The following EXOC4 variants were observed in gnomAD, a reference collection of about 807,000 sequenced individuals.
EXOC4 encodes the protein SEC8-like 1.
Under a neutral mutation model 107.2 loss-of-function variants are expected in EXOC4, and 71 were observed. The observed-to-expected ratio is 0.66, with a 90% CI of 0.55 to 0.81. The LOEUF is 0.81. EXOC4 is among the 30% of genes least tolerant of loss of function. The pLI is 0.00. For synonymous variants in EXOC4, 456 were observed against 441.2 expected (o/e 1.03, Z -0.42); for missense variants, 1,108 against 1,189.6 (o/e 0.93, Z 1.01).
At chr7:133,295,641 C>A (rs1794502685) in intron 3 of EXOC4, among the ~76,000 whole-genome samples, 3 of 152,084 alleles carry the variant, frequency 2.0e-5, no homozygotes, top group Admixed American at 2.0e-4. Context: ...ATAGCAGGAC[C>A]AGTGGACCAG....
intron 9 of EXOC4, among the ~76,000 whole-genome samples, chr7:133,561,461 G>A (rs1800802412): frequency 6.6e-6 from 1 of 152,138 alleles, no homozygotes; most frequent in South Asian, 2.1e-4. Flanking sequence ...CACTTATACA[G>A]TGCGGAAAAG....
chr7:133,694,138 G>A (rs970129452), intron 10 of EXOC4, among the ~76,000 whole-genome samples: 4 of 151,834 alleles, frequency 2.6e-5, no homozygotes, highest in East Asian at 3.9e-4. Flanking sequence ...GTGTGTGCCC[G>A]TAGTCCCAGC....
chr7:134,064,266 G>A (rs1421178726), intron 17 of EXOC4, 25 bp from the exon 18 acceptor site: 1 of 1,394,804 alleles, frequency 7.2e-7, no homozygotes. Context: ...GAGCCAGTGA[G>A]CAGTGTTCTC....
At chr7:133,724,104 T>C (rs61674625) in intron 10 of EXOC4, among the ~76,000 whole-genome samples, 14,007 of 152,270 alleles carry the variant, frequency 0.092, 726 homozygotes, top group Middle Eastern at 0.13. Flanking sequence ...AGTTTAATGA[T>C]GATAGATTAT....
At chr7:133,695,085 G>A (rs1051330560) in intron 10 of EXOC4, among the ~76,000 whole-genome samples, 25 of 152,104 alleles carry the variant, frequency 1.6e-4, no homozygotes, top group Non-Finnish European at 4.4e-5. Flanking sequence ...GCCTCCCAAA[G>A]TGCTGGAGTT....
chr7:133,522,852 G>T (rs1174475162), intron 9 of EXOC4, among the ~76,000 whole-genome samples: 1 of 152,086 alleles, frequency 6.6e-6, no homozygotes, highest in Non-Finnish European at 1.5e-5. Context: ...TGAAATGGGA[G>T]CCTACATTCC....
intron 14 of EXOC4, among the ~76,000 whole-genome samples, chr7:133,965,459 T>C (rs185345549): frequency 5.6e-4 from 86 of 152,348 alleles, no homozygotes; most frequent in African/African-American, 2.0e-3. Flanking sequence ...TTTATGCTTT[T>C]AGGGCTTACA....
intron 10 of EXOC4, among the ~76,000 whole-genome samples, chr7:133,686,257 A>C (rs904079474): frequency 6.6e-6 from 1 of 152,170 alleles, no homozygotes; most frequent in Non-Finnish European, 1.5e-5. Context: ...TTTCTTTGTA[A>C]ATTACCCAGT....
intron 9 of EXOC4, among the ~76,000 whole-genome samples, chr7:133,572,969 A>T (rs1801055391): frequency 6.6e-6 from 1 of 152,234 alleles, no homozygotes; most frequent in Admixed American, 6.5e-5. Flanking sequence ...GACGTCTTCC[A>T]TTCACCAGAA....
chr7:133,385,121 T>C (rs1238567119), intron 7 of EXOC4, among the ~76,000 whole-genome samples: 1 of 152,216 alleles, frequency 6.6e-6, no homozygotes, highest in Non-Finnish European at 1.5e-5. Flanking sequence ...GATTGCTAGC[T>C]TTAACTAGAG....
intron 10 of EXOC4, among the ~76,000 whole-genome samples, chr7:133,666,190 G>A (rs1793808817): frequency 6.6e-6 from 1 of 151,868 alleles, no homozygotes; most frequent in Non-Finnish European, 1.5e-5. Context: ...AATTTTAAAA[G>A]CGAAAAAATT....
At chr7:133,853,345 AACACACACACACACACACACAC>A (rs59000979) in intron 11 of EXOC4, among the ~76,000 whole-genome samples, 86 of 115,572 alleles carry the variant, frequency 7.4e-4, no homozygotes, top group Middle Eastern at 4.1e-3. Context: ...CTCTCTCTTT[AACACACACACACACACACACAC>A]ACACACACAC....
At chr7:133,525,228 A>T (rs1431645656) in intron 9 of EXOC4, among the ~76,000 whole-genome samples, 1 of 152,136 alleles carries the variant, frequency 6.6e-6, no homozygotes, top group Non-Finnish European at 1.5e-5. Flanking sequence ...AATATCACTG[A>T]GCTGCCTTTT....
rs1794006677 is a variant in EXOC4, at chr7:133,674,181, A to G, written c.1514+44040A>G. Among the ~76,000 whole-genome samples, 10 of 152,228 alleles carry G rather than the reference A, an allele frequency of 6.6e-5. No individual in the cohort carries two copies. The South Asian group carries it at 2.1e-3, about 32-fold the overall frequency. ...CCCAAAGGATTGATGGCTAGAAAGT[A>G]GTTTATAGTCAAAAGCTATACCAAA... On this transcript the variant is annotated intron_variant, in intron 10 of 17. Transcript: ENST00000253861.
At chr7:133,437,869 A>G (rs1431393755) in intron 7 of EXOC4, among the ~76,000 whole-genome samples, 1 of 152,222 alleles carries the variant, frequency 6.6e-6, no homozygotes, top group Non-Finnish European at 1.5e-5. Flanking sequence ...ACAAATTAAA[A>G]AGAATTAGTT....
intron 10 of EXOC4, among the ~76,000 whole-genome samples, chr7:133,662,642 C>T (rs1344849820): frequency 3.3e-5 from 5 of 151,712 alleles, no homozygotes; most frequent in Admixed American, 3.3e-4. Context: ...AACAAAATAG[C>T]GCATGTGACA....
At chr7:133,651,986 C>G (rs908936466) in intron 10 of EXOC4, among the ~76,000 whole-genome samples, 2 of 152,172 alleles carry the variant, frequency 1.3e-5, no homozygotes, top group Admixed American at 1.3e-4. Context: ...TGCCGTAACT[C>G]AAACTCTAGA....
chr7:133,479,800 T>C (rs895593383), intron 8 of EXOC4: 3 of 483,122 alleles, frequency 6.2e-6, no homozygotes, highest in African/African-American at 5.8e-5. Flanking sequence ...ATCACAGTTG[T>C]ACCAGTTGAA....
chr7:133,802,464 G>A (rs1796967876), intron 10 of EXOC4, among the ~76,000 whole-genome samples: 1 of 152,112 alleles, frequency 6.6e-6, no homozygotes, highest in Admixed American at 6.6e-5. Flanking sequence ...TTAGATATTT[G>A]GTAGGCTTAC....
Sources: allele counts gnomAD v4.1 joint callset (sites outside exome capture counted in the v4.1 genomes callset), GRCh38; gene constraint gnomAD v4.1.1; transcripts MANE v1.5; gene names NCBI Gene and HGNC (gene_info 2026-07-23, HGNC 2026-07-21).